PBX1: variants seen among roughly 807,000 people sequenced by gnomAD.
The protein encoded by PBX1 is PBX homeobox 1, also known as pre-B-cell leukemia transcription factor 1.
A neutral mutation model predicts 53.4 loss-of-function variants in PBX1; 6 were observed. The observed-to-expected ratio is 0.11, with a 90% CI of 0.06 to 0.22. PBX1 has a LOEUF of 0.22. PBX1 is among the 10% of genes least tolerant of loss of function. PBX1 has a pLI of 1.00. For synonymous variants in PBX1, 204 were observed against 212.3 expected (o/e 0.96, Z 0.34); for missense variants, 251 against 551.4 (o/e 0.46, Z 5.46).
intron 2 of PBX1, among the ~76,000 whole-genome samples, chr1:164,787,075 G>A (rs781361644): frequency 8.5e-5 from 13 of 152,112 alleles, no homozygotes; most frequent in Non-Finnish European, 1.5e-4. Flanking sequence ...GGAATGAGGC[G>A]GGGAGAGCTG....
chr1:164,777,307 C>T (rs1667720082), intron 2 of PBX1, among the ~76,000 whole-genome samples: 1 of 152,142 alleles, frequency 6.6e-6, no homozygotes, highest in African/African-American at 2.4e-5. Flanking sequence ...CCTGTAGTCA[C>T]AGCCACCTGG....
At chr1:164,685,157 T>C (rs1487045844) in intron 2 of PBX1, among the ~76,000 whole-genome samples, 1 of 152,156 alleles carries the variant, frequency 6.6e-6, no homozygotes, top group African/African-American at 2.4e-5. Context: ...GTCCTGTCTT[T>C]TAGGAGATGT....
At position 164,768,449 on chromosome 1, in the gene PBX1, C is replaced by T. The variant is rs77844674; in HGVS notation, c.266-24045C>T. ...AACCCAATCATCAAGAGGGGAGACC[C>T]TACTATTAACATTCTCTGGGTCCTC... On this transcript the variant is annotated intron_variant, in intron 2 of 8. Transcript: ENST00000420696. Among the ~76,000 whole-genome samples, 848 of 152,308 alleles carry T rather than the reference C, an allele frequency of 5.6e-3. 9 individuals are homozygous for T. Among genetic ancestry groups the T allele is most frequent in the African/African-American group, 0.019 (804 of 41,574 alleles).
chr1:164,700,104 T>C (rs1663030895), intron 2 of PBX1, among the ~76,000 whole-genome samples: 1 of 152,210 alleles, frequency 6.6e-6, no homozygotes, highest in South Asian at 2.1e-4. Flanking sequence ...AGATGCTTAT[T>C]ACAGGGTGTG....
intron 3 of PBX1, 34 bp downstream of exon 3, chr1:164,792,772 C>T: frequency 6.7e-7 from 1 of 1,501,370 alleles, no homozygotes; most frequent in South Asian, 1.2e-5. Context: ...GGCACCCAGG[C>T]CCTTTAGGAA....
At chr1:164,822,673 A>C (rs755590097) in intron 8 of PBX1, among the ~76,000 whole-genome samples, 1 of 152,214 alleles carries the variant, frequency 6.6e-6, no homozygotes, top group African/African-American at 2.4e-5. Flanking sequence ...ATGAGGAATG[A>C]TTGAACACAT....
chr1:164,742,171 G>T (rs950897149), intron 2 of PBX1, among the ~76,000 whole-genome samples: 1 of 152,174 alleles, frequency 6.6e-6, no homozygotes, highest in Non-Finnish European at 1.5e-5. Context: ...GGTAGGGAAA[G>T]ACAAGCCTTC....
At chr1:164,685,923 C>G (rs943913902) in intron 2 of PBX1, among the ~76,000 whole-genome samples, 2 of 152,306 alleles carry the variant, frequency 1.3e-5, no homozygotes, top group East Asian at 3.9e-4. Flanking sequence ...TGCTGGAGAA[C>G]ATTAGGTGCC....
downstream of PBX1, chr1:164,854,108 G>T (rs1293609198): frequency 6.6e-6 from 1 of 151,804 alleles, no homozygotes; most frequent in African/African-American, 2.4e-5. Context: ...GTCTCACCAT[G>T]TTGGCCAGGC....
At chr1:164,712,414 C>T (rs553465948) in intron 2 of PBX1, among the ~76,000 whole-genome samples, 3 of 152,312 alleles carry the variant, frequency 2.0e-5, no homozygotes, top group African/African-American at 4.8e-5. Context: ...CACATTTTCA[C>T]CGACTGGCTG....
intron 8 of PBX1, among the ~76,000 whole-genome samples, chr1:164,828,203 T>A (rs1011341425): frequency 3.3e-5 from 5 of 152,352 alleles, no homozygotes; most frequent in African/African-American, 1.2e-4. Context: ...CAATGAGTTA[T>A]GATCTTAAAC....
chr1:164,650,703 CT>C (rs1418694961), intron 2 of PBX1, among the ~76,000 whole-genome samples: 1 of 152,106 alleles, frequency 6.6e-6, no homozygotes, highest in Non-Finnish European at 1.5e-5. Context: ...GCCCTTGCTC[CT>C]CTAGGTGTGC....
At chr1:164,800,958 G>A (rs1226958275) in intron 4 of PBX1, among the ~76,000 whole-genome samples, 1 of 152,092 alleles carries the variant, frequency 6.6e-6, no homozygotes, top group Non-Finnish European at 1.5e-5. Context: ...CTGAGATCAT[G>A]TTTTATTCAG....
chr1:164,710,382 G>A (rs901355335), intron 2 of PBX1, among the ~76,000 whole-genome samples: 128 of 152,146 alleles, frequency 8.4e-4, no homozygotes, highest in African/African-American at 2.6e-3. Flanking sequence ...GTGTAGGCAG[G>A]CAGTGGAAGG....
At chr1:164,611,978 A>T (rs927731480) in intron 2 of PBX1, among the ~76,000 whole-genome samples, 1 of 152,116 alleles carries the variant, frequency 6.6e-6, no homozygotes, top group African/African-American at 2.4e-5. Context: ...CCCTTGGCCC[A>T]TTTATAAACC....
chr1:164,741,739 A>AGTGAGT (rs147987402), intron 2 of PBX1, among the ~76,000 whole-genome samples: 2 of 140,812 alleles, frequency 1.4e-5, no homozygotes. Context: ...TGTATGAGTG[A>AGTGAGT]GTGTGTGTGT....
chr1:164,585,789 G>C (rs1028206277), intron 2 of PBX1, among the ~76,000 whole-genome samples: 3 of 152,162 alleles, frequency 2.0e-5, no homozygotes, highest in African/African-American at 7.2e-5. Context: ...TAGCTGAGAA[G>C]CTTTTAGCAT....
intron 2 of PBX1, among the ~76,000 whole-genome samples, chr1:164,627,656 A>G (rs1658132586): frequency 6.6e-6 from 1 of 152,152 alleles, no homozygotes; most frequent in Non-Finnish European, 1.5e-5. Context: ...GGCTGTTCAC[A>G]TTTTCTTAGC....
intron 2 of PBX1, among the ~76,000 whole-genome samples, chr1:164,788,752 T>TC (rs11429159): frequency 0.41 from 28,176 of 68,612 alleles, 3,455 homozygotes; most frequent in East Asian, 0.48. Flanking sequence ...CCCGCCGCCC[T>TC]CCCCCCCCCG....
Sources: gnomAD v4.1 joint callset for allele counts (sites outside exome capture counted in the v4.1 genomes callset) on GRCh38, gnomAD v4.1.1 for gene constraint, MANE v1.5 for transcripts, NCBI Gene and HGNC (gene_info 2026-07-23, HGNC 2026-07-21) for gene names.